The following RHOA variants were observed in gnomAD, a reference collection of about 807,000 sequenced individuals.
RHOA encodes the protein ras homolog family member A, also known as transforming protein RhoA.
A neutral mutation model predicts 17.5 loss-of-function variants in RHOA; 3 were observed. That is an observed-to-expected ratio of 0.17 (90% CI 0.08 to 0.44). The LOEUF is 0.44. Ranked by LOEUF, RHOA falls within the 20% of genes least tolerant of loss-of-function variation. The pLI, the probability that RHOA is intolerant of heterozygous loss-of-function variation, is 0.99. For synonymous variants in RHOA, 98 were observed against 88.4 expected (o/e 1.11, Z -0.61); for missense variants, 56 against 242.3 (o/e 0.23, Z 5.10).
Position 49,360,040 on chromosome 3 carries a change from G to A in RHOA, c.*169C>T. The A allele has an allele frequency of 1.3e-6, 1 of 757,434 alleles. No homozygotes were observed. The highest frequency in any genetic ancestry group is 2.2e-5 in the South Asian group (1 of 46,142). 46.9% of individuals were successfully genotyped at this position (757,434 alleles called of 1,614,324 possible). On this transcript the variant is annotated 3_prime_UTR_variant, in exon 5 of 5. Transcript: ENST00000418115. ...GGACCCTGGTGGGCCAGACGGGTTG[G>A]ACATCGTTAATAATCATAGTTGGCT...
intron 2 of RHOA, among the ~76,000 whole-genome samples, chr3:49,371,638 G>T (rs2048148742): frequency 6.6e-6 from 1 of 152,066 alleles, no homozygotes; most frequent in Non-Finnish European, 1.5e-5. Context: ...CCCATCTTGG[G>T]GACTCTTGAG....
chr3:49,367,932 T>G (rs1293277934), intron 3 of RHOA, among the ~76,000 whole-genome samples: 1 of 151,758 alleles, frequency 6.6e-6, no homozygotes, highest in Non-Finnish European at 1.5e-5. Context: ...ATTTTTGAGA[T>G]AGAGTCTTGC....
chr3:49,362,971 A>G (rs1162459013), intron 3 of RHOA, among the ~76,000 whole-genome samples: 1 of 152,210 alleles, frequency 6.6e-6, no homozygotes, highest in African/African-American at 2.4e-5. Context: ...GACATCTGTC[A>G]CTGCTGGTAG....
At chr3:49,399,456 T>C (rs1390592374) in intron 1 of RHOA, among the ~76,000 whole-genome samples, 1 of 152,066 alleles carries the variant, frequency 6.6e-6, no homozygotes, top group Admixed American at 6.6e-5. Flanking sequence ...TCATATGCTA[T>C]CATACCATAG....
At chr3:49,387,065 C>T (rs1249612404) in intron 1 of RHOA, among the ~76,000 whole-genome samples, 2 of 118,212 alleles carry the variant, frequency 1.7e-5, no homozygotes, top group South Asian at 3.0e-4. Flanking sequence ...TGCAGTGAGC[C>T]GAGATCACGC....
chr3:49,374,069 G>T (rs1262703237), intron 2 of RHOA, among the ~76,000 whole-genome samples: 1 of 152,088 alleles, frequency 6.6e-6, no homozygotes, highest in Non-Finnish European at 1.5e-5. Context: ...AAAATCTTTT[G>T]GCCGGGCACA....
At chr3:49,409,086 CCA>C (rs1180469322) in intron 1 of RHOA, among the ~76,000 whole-genome samples, 1,742 of 151,798 alleles carry the variant, frequency 0.011, 32 homozygotes, top group African/African-American at 0.041. Context: ...CCGCGCCCTG[CCA>C]GGATCCTTTT....
rs745511380 is a variant in RHOA, at chr3:49,360,987, C to A, written c.409-605G>T. The A allele has an allele frequency of 1.4e-5, 4 of 290,490 alleles. No homozygotes were observed. The highest frequency in any genetic ancestry group is 2.8e-5 in the Non-Finnish European group (4 of 140,736). 18.0% of individuals were successfully genotyped at this position (290,490 alleles called of 1,614,324 possible). A position where few individuals can be genotyped will look rare whatever the true frequency, so the allele number is the denominator to read the frequency against. On this transcript the variant is annotated intron_variant, in intron 4 of 4. Transcript: ENST00000418115. The stretch of plus-strand genomic sequence containing the variant: ...ACTCAGGAGGCTGAGGCAGGGGAAT[C>A]GCTTAAATCTGGGAGGCGGAGGTTG...
intron 2 of RHOA, 22 bp from the exon 3 acceptor site, chr3:49,368,570 C>T (rs2048095799): frequency 6.2e-7 from 1 of 1,613,832 alleles, no homozygotes; most frequent in Non-Finnish European, 8.5e-7. Flanking sequence ...AAAACAACCA[C>T]AAGAGTGCAA....
chr3:49,388,422 A>G (rs2048436448), intron 1 of RHOA, among the ~76,000 whole-genome samples: 1 of 152,192 alleles, frequency 6.6e-6, no homozygotes, highest in East Asian at 1.9e-4. Context: ...ACACTTTACA[A>G]GTCAAAGTGA....
At chr3:49,381,424 A>T (rs1007470813) in intron 1 of RHOA, among the ~76,000 whole-genome samples, 1 of 149,090 alleles carries the variant, frequency 6.7e-6, no homozygotes, top group Non-Finnish European at 1.5e-5. Flanking sequence ...AAAAAAAGTT[A>T]GCTGGGTTGG....
chr3:49,368,147 A>G (rs2048089362), intron 3 of RHOA, among the ~76,000 whole-genome samples: 1 of 152,044 alleles, frequency 6.6e-6, no homozygotes, highest in Admixed American at 6.6e-5. Context: ...CCTGACCCTC[A>G]GGTGATCCAC....
chr3:49,386,979 T>C (rs113142400), intron 1 of RHOA, among the ~76,000 whole-genome samples: 5,572 of 151,040 alleles, frequency 0.037, 347 homozygotes, highest in African/African-American at 0.13. Flanking sequence ...TAGCCAGGCA[T>C]GGTGGCGGGT....
intron 3 of RHOA, among the ~76,000 whole-genome samples, chr3:49,365,695 A>G (rs1036861130): frequency 8.6e-5 from 13 of 150,640 alleles, no homozygotes; most frequent in Admixed American, 6.7e-4. Flanking sequence ...GGTTCAAGCA[A>G]TTCTCCTGCC....
intron 1 of RHOA, among the ~76,000 whole-genome samples, chr3:49,383,547 T>C (rs1413222385): frequency 6.6e-6 from 1 of 152,176 alleles, no homozygotes; most frequent in Non-Finnish European, 1.5e-5. Flanking sequence ...GAATAAATCA[T>C]TGCCTGTCCT....
intron 2 of RHOA, among the ~76,000 whole-genome samples, chr3:49,371,982 ACT>A (rs1332410482): frequency 6.6e-6 from 1 of 152,100 alleles, no homozygotes; most frequent in Non-Finnish European, 1.5e-5. Context: ...ATTAACAGCC[ACT>A]CTCTGGAGAA....
At chr3:49,369,490 T>C (rs2048116696) in intron 2 of RHOA, among the ~76,000 whole-genome samples, 2 of 151,400 alleles carry the variant, frequency 1.3e-5, no homozygotes, top group South Asian at 2.1e-4. Flanking sequence ...CCTAGCACTT[T>C]GGGAGGCTGA....
chr3:49,372,462 C>T (rs546954221), intron 2 of RHOA, among the ~76,000 whole-genome samples: 121 of 152,218 alleles, frequency 7.9e-4, no homozygotes, highest in Non-Finnish European at 1.1e-3. Flanking sequence ...AACTATAGGA[C>T]GGGCGCAGTG....
chr3:49,370,542 G>C (rs543398965), intron 2 of RHOA, among the ~76,000 whole-genome samples: 1 of 152,330 alleles, frequency 6.6e-6, no homozygotes, highest in Admixed American at 6.5e-5. Flanking sequence ...CTGGCTGTTA[G>C]GCAAGGCCTG....
Sources: gnomAD v4.1 joint callset for allele counts (sites outside exome capture counted in the v4.1 genomes callset) on GRCh38, gnomAD v4.1.1 for gene constraint, MANE v1.5 for transcripts, NCBI Gene and HGNC (gene_info 2026-07-23, HGNC 2026-07-21) for gene names.